Variants in TMTC2 observed in about 807,000 individuals in gnomAD.
TMTC2 encodes transmembrane O-mannosyltransferase targeting cadherins 2.
Under a neutral mutation model 82.4 loss-of-function variants are expected in TMTC2, and 43 were observed. The ratio of observed to expected loss-of-function variants is 0.52; its 90% CI spans 0.41 to 0.67. The LOEUF (loss-of-function observed/expected upper bound fraction) is 0.67. Ranked by LOEUF, TMTC2 falls within the 30% of genes least tolerant of loss-of-function variation. The probability of loss-of-function intolerance (pLI) is 0.00; values close to 1 mark genes in which losing one functional copy is unlikely to be tolerated. For synonymous variants in TMTC2, 408 were observed against 381.9 expected (o/e 1.07, Z -0.80); for missense variants, 919 against 1,012.4 (o/e 0.91, Z 1.25).
At chr12:83,025,840 A>T (rs995584775) in intron 8 of TMTC2, among the ~76,000 whole-genome samples, 33 of 152,242 alleles carry the variant, frequency 2.2e-4, no homozygotes, top group Admixed American at 2.2e-3. Context: ...TTTAAAGGAT[A>T]CAATTGAACA....
chr12:82,985,196 C>A (rs1244759435), intron 7 of TMTC2, among the ~76,000 whole-genome samples: 1 of 151,932 alleles, frequency 6.6e-6, no homozygotes, highest in African/African-American at 2.4e-5. Context: ...GTAGCTGAGT[C>A]TACACCTGCA....
intron 2 of TMTC2, among the ~76,000 whole-genome samples, chr12:82,885,839 C>T (rs889366063): frequency 2.0e-5 from 3 of 152,214 alleles, no homozygotes; most frequent in Non-Finnish European, 4.4e-5. Context: ...TTTCTCCCCA[C>T]ATCTTCCCAC....
intron 3 of TMTC2, among the ~76,000 whole-genome samples, chr12:82,907,527 T>C (rs1260724563): frequency 6.6e-6 from 1 of 151,816 alleles, no homozygotes; most frequent in Non-Finnish European, 1.5e-5. Flanking sequence ...TGTCTGACTC[T>C]AATGATTTCA....
intron 4 of TMTC2, among the ~76,000 whole-genome samples, chr12:82,953,170 C>T (rs990412895): frequency 2.0e-5 from 3 of 152,118 alleles, no homozygotes; most frequent in African/African-American, 7.2e-5. Flanking sequence ...GGAGGAAGTG[C>T]GCTCCTTTCA....
intron 8 of TMTC2, among the ~76,000 whole-genome samples, chr12:83,009,214 A>G (rs1290528679): frequency 2.0e-5 from 3 of 152,140 alleles, no homozygotes; most frequent in African/African-American, 7.2e-5. Flanking sequence ...CTCTGGATGT[A>G]TTTCACAGGG....
At chr12:83,018,605 T>G (rs77186713) in intron 8 of TMTC2, among the ~76,000 whole-genome samples, 3,797 of 152,150 alleles carry the variant, frequency 0.025, 163 homozygotes, top group African/African-American at 0.086. Flanking sequence ...TGGAAACCAG[T>G]TTTTCATGAA....
intron 2 of TMTC2, among the ~76,000 whole-genome samples, chr12:82,865,040 CT>C (rs1871767173): frequency 7.2e-6 from 1 of 138,302 alleles, no homozygotes. Context: ...TGGTGAAATC[CT>C]GTCTCTACTA....
At chr12:82,999,284 G>C (rs1296044882) in intron 8 of TMTC2, among the ~76,000 whole-genome samples, 2 of 152,142 alleles carry the variant, frequency 1.3e-5, no homozygotes, top group African/African-American at 4.8e-5. Flanking sequence ...CTGATATTTT[G>C]TCACGATTAG....
At chr12:82,797,393 A>G (rs1462220686) in intron 1 of TMTC2, among the ~76,000 whole-genome samples, 1 of 152,142 alleles carries the variant, frequency 6.6e-6, no homozygotes, top group Non-Finnish European at 1.5e-5. Flanking sequence ...ACTGTTATGT[A>G]CTTCAGAGAA....
intron 1 of TMTC2, among the ~76,000 whole-genome samples, chr12:82,803,531 C>T (rs1422792580): frequency 6.6e-6 from 1 of 152,042 alleles, no homozygotes; most frequent in African/African-American, 2.4e-5. Context: ...CTTGAAATTG[C>T]TAATTGGCAG....
intron 1 of TMTC2, among the ~76,000 whole-genome samples, chr12:82,796,071 C>T (rs1015254560): frequency 2.0e-5 from 3 of 152,124 alleles, no homozygotes; most frequent in Non-Finnish European, 2.9e-5. Flanking sequence ...ACATAGATGG[C>T]ACTCAGTGTG....
At chr12:82,740,778 C>G (rs755495301) in intron 1 of TMTC2, among the ~76,000 whole-genome samples, 5 of 152,180 alleles carry the variant, frequency 3.3e-5, no homozygotes, top group Non-Finnish European at 7.3e-5. Flanking sequence ...TTCTTTCTGC[C>G]AAGTCTGTGA....
intron 1 of TMTC2, among the ~76,000 whole-genome samples, chr12:82,725,692 A>T (rs1874415176): frequency 6.6e-6 from 1 of 152,144 alleles, no homozygotes; most frequent in African/African-American, 2.4e-5. Flanking sequence ...TGTCAATCAG[A>T]TACACTTGAT....
intron 4 of TMTC2, among the ~76,000 whole-genome samples, chr12:82,959,769 A>G (rs1877820380): frequency 6.6e-6 from 1 of 152,110 alleles, no homozygotes; most frequent in Non-Finnish European, 1.5e-5. Flanking sequence ...GCCTTGGGAA[A>G]GAATTTCTGA....
Position 83,022,340 on chromosome 12 carries a change from T to G in TMTC2, c.2071-8458T>G, listed in dbSNP as rs181549482. ...TCAAATATCACTAAAGGCCTTCCTT[T>G]GTCACTTTATCACACATAACCCTCC... On this transcript the variant is annotated intron_variant, in intron 8 of 11. Coordinates refer to ENST00000321196, the MANE Select transcript of TMTC2 (RefSeq NM_152588.3). Among the ~76,000 whole-genome samples, 876 of 150,530 alleles carry G rather than the reference T, an allele frequency of 5.8e-3. 1 individual carries two copies. The highest frequency in any genetic ancestry group is 7.9e-3 in the Non-Finnish European group (533 of 67,644).
intron 8 of TMTC2, among the ~76,000 whole-genome samples, chr12:83,019,154 A>G (rs1274544081): frequency 6.7e-5 from 1 of 14,830 alleles, no homozygotes; most frequent in African/African-American, 9.6e-5. Context: ...ATTTTAAACT[A>G]AACTAAAAAA....
At chr12:82,993,290 T>G (rs1310974531) in intron 8 of TMTC2, among the ~76,000 whole-genome samples, 1 of 152,234 alleles carries the variant, frequency 6.6e-6, no homozygotes, top group Middle Eastern at 3.4e-3. Context: ...GCCAGCTTTT[T>G]ATTTATTTAT....
chr12:82,901,586 T>C (rs1874024326), intron 3 of TMTC2, among the ~76,000 whole-genome samples: 1 of 151,886 alleles, frequency 6.6e-6, no homozygotes, highest in Admixed American at 6.6e-5. Flanking sequence ...ACAGGCCTTA[T>C]CTGTAATATT....
At chr12:82,821,500 G>A (rs572284945) in intron 1 of TMTC2, among the ~76,000 whole-genome samples, 4 of 152,180 alleles carry the variant, frequency 2.6e-5, no homozygotes, top group African/African-American at 9.6e-5. Context: ...TACAGATAAG[G>A]AAAATGAGGC....
Sources: allele counts gnomAD v4.1 joint callset (sites outside exome capture counted in the v4.1 genomes callset), GRCh38; gene constraint gnomAD v4.1.1; transcripts MANE v1.5; gene names NCBI Gene and HGNC (gene_info 2026-07-23, HGNC 2026-07-21).